BBS1: variants seen among roughly 807,000 people sequenced by gnomAD.
The protein encoded by BBS1 is Bardet-Biedl syndrome 1.
In BBS1, 60 loss-of-function variants were observed where a neutral mutation model predicts 73.9. The ratio of observed to expected loss-of-function variants is 0.81; its 90% CI spans 0.66 to 1.01. The LOEUF (loss-of-function observed/expected upper bound fraction) is 1.01, where lower values mean the gene tolerates loss of function less well. Among genes scored for constraint, BBS1 ranks in the 50% least tolerant of loss-of-function variants. The pLI is 0.00. For missense variants in BBS1, 718 were observed against 770.3 expected (o/e 0.93, Z 0.80); for synonymous variants, 283 against 317.4 (o/e 0.89, Z 1.15).
chr11:66,523,903 C>G, intron 11 of BBS1, 21 bp downstream of exon 11: 5 of 1,611,830 alleles, frequency 3.1e-6, no homozygotes, highest in Non-Finnish European at 4.2e-6. Context: ...TCTCCGGCAT[C>G]TGCCACTCAC....
intron 2 of BBS1, 22 bp downstream of exon 2, chr11:66,511,111 C>T (rs1855934304): frequency 6.2e-7 from 1 of 1,613,944 alleles, no homozygotes. Flanking sequence ...GAACCAGGAA[C>T]CCTGGGTTCT....
intron 13 of BBS1, chr11:66,529,339 C>T (rs1217392443): frequency 2.0e-6 from 3 of 1,534,160 alleles, no homozygotes; most frequent in East Asian, 2.4e-5. Flanking sequence ...CAGCATTGAG[C>T]CTGAGGTGTT....
Position 66,522,982 on chromosome 11 carries a change from C to T in BBS1, c.831-474C>T, listed in dbSNP as rs769329600. ...AAAGTGGGAAAGACATTGGCGTGTGCTCCTCGAATAGAGAGGAACTAACTG... is the reference window on the plus strand; with the variant it reads ...AAAGTGGGAAAGACATTGGCGTGTGTTCCTCGAATAGAGAGGAACTAACTG... On this transcript the variant is annotated intron_variant, in intron 9 of 16. Coordinates refer to ENST00000318312, the MANE Select transcript of BBS1 (RefSeq NM_024649.5). 1.6e-3 allele frequency: 573 copies of T among 366,240 alleles called. 3 individuals carry two copies. Among genetic ancestry groups the T allele is most frequent in the Admixed American group, 3.0e-3 (82 of 27,234 alleles). The allele number at this position is 366,240 out of a possible 1,614,324, so 22.7% of individuals were successfully genotyped here.
chr11:66,514,575 C>A lies in BBS1; in HGVS notation c.329C>A (p.Pro110His), dbSNP rs750288768. Residue 110 changes from proline to histidine, a missense_variant, in exon 4 of 17, where the codon CCT becomes CAT. Coordinates refer to ENST00000318312, the MANE Select transcript of BBS1 (RefSeq NM_024649.5). ...RTPALALASGPCVYVYKNLRP... is the reference protein window; with the variant it reads ...RTPALALASGHCVYVYKNLRP... ...CCAGCTCTGGCACTTGCTTCAGGCC[C>A]TTGTGTCTATGTGTATAAGAATCTC... The A allele has an allele frequency of 5.6e-6, 9 of 1,614,096 alleles. No homozygotes were observed. The East Asian group carries it at 2.0e-4, about 36-fold the overall frequency.
intron 7 of BBS1, 148 bp downstream of exon 7, chr11:66,516,081 T>A: frequency 3.1e-6 from 2 of 646,832 alleles, no homozygotes; most frequent in Non-Finnish European, 2.8e-6. Context: ...TGTGTAGTCA[T>A]AAAGCTGCAG....
intron 9 of BBS1, chr11:66,521,648 G>T (rs1025415960): frequency 1.6e-5 from 7 of 434,882 alleles, no homozygotes; most frequent in Non-Finnish European, 8.6e-6. Flanking sequence ...GCTCACGCCT[G>T]TAATCCCAGC....
chr11:66,532,281 C>A lies in BBS1; in HGVS notation c.*244C>A. 3 of 561,354 alleles carry A rather than the reference C, an allele frequency of 5.3e-6. No individual in the cohort carries two copies. The highest frequency in any genetic ancestry group is 9.6e-6 in the Non-Finnish European group (3 of 312,152). 34.8% of individuals were successfully genotyped at this position (561,354 alleles called of 1,614,324 possible). A position where few individuals can be genotyped will look rare whatever the true frequency, so the allele number is the denominator to read the frequency against. ...ATGGTCCCACTGAAGTCCTACTACG[C>A]CCTCCCCTCCCCAGCCTTTTCCAGA... On this transcript the variant is annotated 3_prime_UTR_variant, in exon 17 of 17. Transcript: ENST00000318312.
chr11:66,512,789 T>C (rs1470246776), intron 3 of BBS1, among the ~76,000 whole-genome samples: 9 of 151,968 alleles, frequency 5.9e-5, no homozygotes, highest in Non-Finnish European at 5.9e-5. Context: ...CTGGACAACA[T>C]GGTGAAACCC....
chr11:66,527,151 C>T (rs953606483), intron 13 of BBS1: 16 of 746,256 alleles, frequency 2.1e-5, no homozygotes, highest in Non-Finnish European at 3.1e-5. Flanking sequence ...GGTGGGAGGA[C>T]AGCATGAGCC....
At chr11:66,525,853 C>T (rs991517888) in intron 11 of BBS1, among the ~76,000 whole-genome samples, 2 of 152,084 alleles carry the variant, frequency 1.3e-5, no homozygotes, top group African/African-American at 4.8e-5. Context: ...TTGTGAAGGG[C>T]AGACTGGGGA....
In BBS1 at chr11:66,511,009, C is replaced by G. The variant is rs763314002; in HGVS notation, c.48-4C>G. On this transcript the variant is annotated splice_region_variant and splice_polypyrimidine_tract_variant and intron_variant, in intron 1 of 16. Coordinates refer to ENST00000318312, the MANE Select transcript of BBS1 (RefSeq NM_024649.5). ...CTCCCCAACTGTCTTTCCCCCACTT[C>G]CAGCAATGAGGCCAATTCGAAGTGG... 3.7e-6 allele frequency: 6 copies of G among 1,614,062 alleles called. No individual in the cohort carries two copies. Among genetic ancestry groups the G allele is most frequent in the African/African-American group, 2.7e-5 (2 of 74,932 alleles).
At position 66,532,141 on chromosome 11, in the gene BBS1, G is replaced by C. The variant is rs554182779; in HGVS notation, c.*104G>C. 86 of 1,245,124 alleles carry C rather than the reference G, an allele frequency of 6.9e-5. No homozygotes were observed. The highest frequency in any genetic ancestry group is 4.0e-5 in the Non-Finnish European group (36 of 895,054). 77.1% of individuals were successfully genotyped at this position (1,245,124 alleles called of 1,614,324 possible). A position where few individuals can be genotyped will look rare whatever the true frequency, so the allele number is the denominator to read the frequency against. ...CATGCAGCAGTGTGCTGGGGCGACA[G>C]CTCGTCTCCCCTCTCTTAAGCACCC... On this transcript the variant is annotated 3_prime_UTR_variant, in exon 17 of 17. Transcript: ENST00000318312.
chr11:66,517,552 C>T (rs892485877), intron 7 of BBS1, among the ~76,000 whole-genome samples: 1 of 151,268 alleles, frequency 6.6e-6, no homozygotes, highest in Admixed American at 6.6e-5. Context: ...ACTGCAACCT[C>T]CACCTCCTGG....
In BBS1 at chr11:66,526,763, G is replaced by A. The variant is rs138491266; in HGVS notation, c.1295G>A (p.Arg432Gln). The stretch of plus-strand genomic sequence containing the variant: ...AAACTCAATGTGCCCCGAAAGACCC[G>A]GCTTTACGTGGATCAGACACTGCGA... ...AMKLNVPRKT[R>Q]LYVDQTLRER... The change falls in exon 13 of 17, where the codon CGG becomes CAG. Residue 432 changes from arginine to glutamine, a missense_variant. Transcript: ENST00000318312. 18 of 1,614,102 alleles carry A rather than the reference G, an allele frequency of 1.1e-5. No homozygotes were observed. The highest frequency in any genetic ancestry group is 3.3e-5 in the South Asian group (3 of 91,092).
chr11:66,515,615 C>A lies in BBS1; in HGVS notation c.479+29C>A, dbSNP rs370793686. ...AGAGGCTGCCTTCCCCTTCATACCC[C>A]CCTCACTCCTTCATCCCATCTGAGC... On this transcript the variant is annotated intron_variant, in intron 5 of 16. Transcript: ENST00000318312. 68 of 1,614,154 alleles carry A rather than the reference C, an allele frequency of 4.2e-5. 1 individual carries two copies. Among genetic ancestry groups the A allele is most frequent in the Middle Eastern group, 3.3e-4 (2 of 6,062 alleles).
At chr11:66,524,969 G>A (rs764983117) in intron 11 of BBS1, among the ~76,000 whole-genome samples, 14 of 152,116 alleles carry the variant, frequency 9.2e-5, no homozygotes, top group Admixed American at 3.9e-4. Flanking sequence ...GGGAGGCCGA[G>A]GCAGGCAGAT....
At chr11:66,530,266 T>C (rs1027987822) in intron 14 of BBS1, among the ~76,000 whole-genome samples, 1 of 152,012 alleles carries the variant, frequency 6.6e-6, no homozygotes, top group South Asian at 2.1e-4. Flanking sequence ...TCCTTACAGC[T>C]ATGGTACAAG....
intron 4 of BBS1, 25 bp from the exon 5 acceptor site, chr11:66,515,515 A>G (rs773098844): frequency 1.2e-6 from 2 of 1,613,786 alleles, no homozygotes; most frequent in African/African-American, 2.7e-5. Context: ...TTGAGCTCAC[A>G]GGCTCTCTTC....
rs375567052 is a variant in BBS1 at position 66,515,751 on chromosome 11, C to T, written c.518+20C>T. On this transcript the variant is annotated intron_variant, in intron 6 of 16. Coordinates refer to ENST00000318312, the MANE Select transcript of BBS1 (RefSeq NM_024649.5). ...ACTCAGGTAAGGACCCTGTGGAGGGCCAGGGTTTGGGAGGCTCCAGGGAGA... is the reference window on the plus strand; with the variant it reads ...ACTCAGGTAAGGACCCTGTGGAGGGTCAGGGTTTGGGAGGCTCCAGGGAGA... The T allele has an allele frequency of 5.0e-6, 8 of 1,613,982 alleles. No individual in the cohort carries two copies. In the African/African-American group the frequency reaches 5.3e-5, roughly 11 times the overall value.
Sources: gnomAD v4.1 joint callset for allele counts (sites outside exome capture counted in the v4.1 genomes callset) on GRCh38, gnomAD v4.1.1 for gene constraint, MANE v1.5 for transcripts, NCBI Gene and HGNC (gene_info 2026-07-23, HGNC 2026-07-21) for gene names.